Variants in RUNDC3B observed in about 807,000 individuals in gnomAD.
RUNDC3B encodes the protein RUN domain-containing protein 3B.
RUNDC3B carries 33 observed loss-of-function variants against 58.4 expected under a neutral mutation model. The ratio of observed to expected loss-of-function variants is 0.56; its 90% CI spans 0.43 to 0.75. The LOEUF is 0.75. RUNDC3B is among the 30% of genes least tolerant of loss of function. RUNDC3B has a pLI of 0.00. For synonymous variants in RUNDC3B, 193 were observed against 195.2 expected, an observed-to-expected ratio of 0.99 and a Z score of 0.10; for missense variants, 501 against 535.7, an observed-to-expected ratio of 0.94 and a Z score of 0.64.
At chr7:87,746,358 G>A (rs1295841918) in intron 6 of RUNDC3B, among the ~76,000 whole-genome samples, 1 of 152,112 alleles carries the variant, frequency 6.6e-6, no homozygotes, top group African/African-American at 2.4e-5. Flanking sequence ...TTTCTTTGTT[G>A]ACTTTCTGTC....
At chr7:87,785,304 G>C (rs1373546610) in intron 8 of RUNDC3B, among the ~76,000 whole-genome samples, 1 of 152,058 alleles carries the variant, frequency 6.6e-6, no homozygotes, top group Non-Finnish European at 1.5e-5. Flanking sequence ...TCCCAGGCTG[G>C]TCTTGTGGAA....
chr7:87,694,707 G>A (rs1283514132), intron 2 of RUNDC3B, among the ~76,000 whole-genome samples: 1 of 152,018 alleles, frequency 6.6e-6, no homozygotes, highest in African/African-American at 2.4e-5. Context: ...CGTCATGTAC[G>A]ATTTCATTCC....
At chr7:87,748,679 C>G (rs1832791312) in intron 6 of RUNDC3B, among the ~76,000 whole-genome samples, 1 of 152,112 alleles carries the variant, frequency 6.6e-6, no homozygotes, top group South Asian at 2.1e-4. Context: ...GCCAGGGATA[C>G]TTAGATGTCA....
At chr7:87,699,206 G>C (rs2130685532) in intron 2 of RUNDC3B, among the ~76,000 whole-genome samples, 1 of 152,138 alleles carries the variant, frequency 6.6e-6, no homozygotes, top group South Asian at 2.1e-4. Flanking sequence ...AGGATTTAAA[G>C]TAAATAATTA....
intron 9 of RUNDC3B, among the ~76,000 whole-genome samples, chr7:87,812,721 T>G (rs116825372): frequency 0.011 from 1,751 of 152,298 alleles, 41 homozygotes; most frequent in African/African-American, 0.04. Context: ...GGTTCTTATT[T>G]TGATTAAACT....
chr7:87,685,545 G>A (rs1827375009), intron 2 of RUNDC3B, among the ~76,000 whole-genome samples: 1 of 152,112 alleles, frequency 6.6e-6, no homozygotes, highest in African/African-American at 2.4e-5. Context: ...ATGTATAAAT[G>A]TCAGATACAT....
At position 87,680,988 on chromosome 7, in the gene RUNDC3B, T is replaced by C. The variant is rs1424842193; in HGVS notation, c.239-19433T>C. ...AAAATTCATAAACTTCTGGTTAGGC[T>C]GATCAAGAAAATGAGAAAGGATACA... On this transcript the variant is annotated intron_variant, in intron 2 of 10. Coordinates refer to ENST00000394654, the MANE Select transcript of RUNDC3B (RefSeq NM_001134405.2). Among the ~76,000 whole-genome samples, 11 of 150,388 alleles carry C rather than the reference T, an allele frequency of 7.3e-5. 2 individuals are homozygous for C. Among genetic ancestry groups the C allele is most frequent in the African/African-American group, 2.7e-4 (11 of 40,514 alleles).
intron 3 of RUNDC3B, among the ~76,000 whole-genome samples, chr7:87,702,300 A>G (rs1432000812): frequency 2.6e-5 from 4 of 151,186 alleles, no homozygotes; most frequent in Admixed American, 6.6e-5. Flanking sequence ...TTTTTTAGGG[A>G]CAGGGTCTTG....
chr7:87,700,880 A>C (rs1828973545), intron 3 of RUNDC3B, among the ~76,000 whole-genome samples: 2 of 152,244 alleles, frequency 1.3e-5, no homozygotes, highest in Admixed American at 1.3e-4. Context: ...TGGTGGATAA[A>C]ACTGTTGGAA....
chr7:87,682,530 T>A (rs765754004), intron 2 of RUNDC3B, among the ~76,000 whole-genome samples: 2 of 152,216 alleles, frequency 1.3e-5, no homozygotes, highest in Non-Finnish European at 2.9e-5. Flanking sequence ...TTAGAAGCCA[T>A]GAAAACAACA....
At chr7:87,668,891 C>A (rs1189429696) in intron 2 of RUNDC3B, among the ~76,000 whole-genome samples, 2 of 151,982 alleles carry the variant, frequency 1.3e-5, no homozygotes, top group Non-Finnish European at 2.9e-5. Flanking sequence ...TTGTTTTATT[C>A]CAATTATTTG....
intron 4 of RUNDC3B, chr7:87,713,136 A>ATT (rs1024348317): frequency 4.6e-4 from 70 of 152,306 alleles, no homozygotes; most frequent in Non-Finnish European, 3.1e-4. Flanking sequence ...AATACAAACA[A>ATT]TTAGAAAGAG....
At chr7:87,699,482 C>A (rs968507637) in intron 2 of RUNDC3B, among the ~76,000 whole-genome samples, 1 of 152,218 alleles carries the variant, frequency 6.6e-6, no homozygotes, top group South Asian at 2.1e-4. Context: ...CAGCTCACTG[C>A]AACCTTCACC....
intron 4 of RUNDC3B, 74 bp from the exon 5 acceptor site, chr7:87,739,717 C>A: frequency 3.1e-6 from 2 of 640,826 alleles, no homozygotes; most frequent in Non-Finnish European, 5.4e-6. Flanking sequence ...ATAGTTTGGG[C>A]TCTAAATGAT....
At chr7:87,630,775 G>C (rs944296810) in intron 1 of RUNDC3B, among the ~76,000 whole-genome samples, 1 of 150,744 alleles carries the variant, frequency 6.6e-6, no homozygotes, top group Admixed American at 6.6e-5. Flanking sequence ...GATGGGTACT[G>C]TTCCTTTTGC....
chr7:87,700,784 A>C (rs533212294), intron 3 of RUNDC3B, among the ~76,000 whole-genome samples: 115 of 152,342 alleles, frequency 7.5e-4, no homozygotes, highest in African/African-American at 2.7e-3. Flanking sequence ...TAATGGGTAC[A>C]AAATGTCAAA....
chr7:87,753,137 T>C (rs1833126498), intron 6 of RUNDC3B, among the ~76,000 whole-genome samples: 1 of 151,816 alleles, frequency 6.6e-6, no homozygotes, highest in Non-Finnish European at 1.5e-5. Context: ...ATGTACCCAG[T>C]AGTCATTCAG....
intron 2 of RUNDC3B, among the ~76,000 whole-genome samples, chr7:87,684,746 CAAAAAA>C (rs71524694): frequency 1.6e-4 from 6 of 37,782 alleles, no homozygotes; most frequent in Admixed American, 1.2e-3. Context: ...GACTCCGTCT[CAAAAAA>C]AAAAAAAAAA....
At chr7:87,632,000 AG>A (rs924349046) in intron 1 of RUNDC3B, among the ~76,000 whole-genome samples, 2 of 152,190 alleles carry the variant, frequency 1.3e-5, no homozygotes, top group African/African-American at 4.8e-5. Flanking sequence ...TGTTTATAAT[AG>A]CTAAATTACG....
Sources: allele counts gnomAD v4.1 joint callset (sites outside exome capture counted in the v4.1 genomes callset), GRCh38; gene constraint gnomAD v4.1.1; transcripts MANE v1.5; gene names NCBI Gene and HGNC (gene_info 2026-07-23, HGNC 2026-07-21).